ZNF335: variants seen among roughly 807,000 people sequenced by gnomAD.
ZNF335 encodes the protein zinc finger protein 335, also known as NRC-interacting factor 1.
ZNF335 carries 84 observed loss-of-function variants against 145.6 expected under a neutral mutation model. The ratio of observed to expected loss-of-function variants is 0.58; its 90% confidence interval spans 0.48 to 0.69. ZNF335 has a LOEUF of 0.69. ZNF335 is among the 30% of genes least tolerant of loss of function. The pLI is 0.00. For synonymous variants in ZNF335, 761 were observed against 717.0 expected, an observed-to-expected ratio of 1.06 and a Z score of -0.98; for missense variants, 1,865 against 1,809.7, an observed-to-expected ratio of 1.03 and a Z score of -0.55.
chr20:45,969,803 T>C (rs1460010922), intron 2 of ZNF335, 112 bp from the exon 3 acceptor site: 21 of 1,451,270 alleles, frequency 1.4e-5, no homozygotes, highest in South Asian at 2.6e-5. Context: ...ACATGGTCAG[T>C]GGAGCCACTC....
rs546418721 is a variant in ZNF335, at chr20:45,969,557, G to A, written c.336C>T (p.Leu112=). ...GPPALVHSSA[L]PDPNMLVSDC... is the part of the protein sequence containing the mutation. ...CGGACACCAGCATGTTGGGGTCTGG[G>A]AGTGCACTAGAGTGCACAAGTGCTG... Residue 112 remains leucine, a synonymous_variant, in exon 3 of 28, where the codon CTC becomes CTT. Transcript: ENST00000322927. The A allele has an allele frequency of 2.8e-5, 45 of 1,595,496 alleles. 1 individual carries two copies. The South Asian group carries it at 4.9e-4, about 17-fold the overall frequency.
At chr20:45,949,679 AGTT>A (rs2034966378) in intron 24 of ZNF335, 111 bp from the exon 25 acceptor site, 1 of 1,434,672 alleles carries the variant, frequency 7.0e-7, no homozygotes, top group Admixed American at 1.8e-5. Context: ...GCAACAATGC[AGTT>A]GTTGGCAAGC....
intron 17 of ZNF335, 31 bp downstream of exon 17, chr20:45,957,555 G>A (rs938173863): frequency 8.7e-6 from 14 of 1,603,202 alleles, no homozygotes; most frequent in Middle Eastern, 1.7e-4. Context: ...TGCGGTAGCT[G>A]GGAAGGGGAG....
At chr20:45,967,413 T>C (rs779055997) in intron 6 of ZNF335, 81 bp downstream of exon 6, 27 of 1,608,116 alleles carry the variant, frequency 1.7e-5, no homozygotes, top group Admixed American at 1.2e-4. Context: ...AATTCCTCTT[T>C]ACTGGCCCTC....
intron 7 of ZNF335, among the ~76,000 whole-genome samples, chr20:45,964,713 G>A (rs1158490268): frequency 1.3e-5 from 2 of 152,178 alleles, no homozygotes; most frequent in East Asian, 1.9e-4. Context: ...TATGTGCCTC[G>A]GTAAAAAGGC....
At position 45,951,342 on chromosome 20, in the gene ZNF335, G is replaced by A. The variant is rs140128193; in HGVS notation, c.3190-747C>T. Among the ~76,000 whole-genome samples the A allele has an allele frequency of 5.9e-5, 9 of 152,322 alleles. No homozygotes were observed. The Middle Eastern group carries it at 0.01, about 173-fold the overall frequency. ...ACAAAATCCTCAGGCAAACAGGGAG[G>A]CCCCAAGCTGGGCTGTGAACCTGCC... On this transcript the variant is annotated intron_variant, in intron 20 of 27. Coordinates refer to ENST00000322927, the MANE Select transcript of ZNF335 (RefSeq NM_022095.4).
At chr20:45,962,280 G>C (rs940472298) in intron 9 of ZNF335, 98 bp from the exon 10 acceptor site, 8 of 947,504 alleles carry the variant, frequency 8.4e-6, no homozygotes, top group African/African-American at 6.4e-5. Flanking sequence ...GTTGCTGCGG[G>C]AGCAGCTCAC....
Position 45,971,436 on chromosome 20 carries a change from G to GGGC in ZNF335, c.-29_-27dup. 6.3e-7 allele frequency: 1 copy of GGGC among 1,597,330 alleles called. No homozygotes were observed. The highest frequency in any genetic ancestry group is 1.1e-5 in the South Asian group (1 of 90,728). On this transcript the variant is annotated 5_prime_UTR_variant, in exon 2 of 28. Coordinates refer to ENST00000322927, the MANE Select transcript of ZNF335 (RefSeq NM_022095.4). The stretch of plus-strand genomic sequence containing the variant: ...CTGATCGGCGGGCTGCCTGACAGCG[G>GGGC]GGCGTAGGGTCTGGGAACTTCACTC...
rs1470185977 is a variant in ZNF335, at chr20:45,967,583, C to T, written c.866G>A (p.Ser289Asn). The T allele has an allele frequency of 4.3e-6, 7 of 1,613,914 alleles. No homozygotes were observed. The highest frequency in any genetic ancestry group is 5.1e-6 in the Non-Finnish European group (6 of 1,179,960). The change falls in exon 6 of 28, where the codon AGC becomes AAC. Residue 289 changes from serine to asparagine, a missense_variant. Coordinates refer to ENST00000322927, the MANE Select transcript of ZNF335 (RefSeq NM_022095.4). ...TTCCTCTTGGCTCTTGGTGGAGGTG[C>T]TCCACTTCCGTAGACGTCCTTTTTT... is the stretch of plus-strand genomic sequence containing the variant. The part of the protein sequence containing the change: ...AGKKGRLRKW[S>N]TSTKSQEEEG...
In ZNF335 at chr20:45,972,122, C is replaced by T. The variant is rs1229403826; in HGVS notation, c.-51G>A. The T allele has an allele frequency of 1.6e-6, 2 of 1,289,562 alleles. No homozygotes were observed. Among genetic ancestry groups the T allele is most frequent in the Admixed American group, 2.3e-5 (1 of 43,516 alleles). 79.9% of individuals were successfully genotyped at this position (1,289,562 alleles called of 1,614,324 possible). A position where few individuals can be genotyped will look rare whatever the true frequency, so the allele number is the denominator to read the frequency against. On this transcript the variant is annotated splice_region_variant and 5_prime_UTR_variant, in exon 1 of 28. Coordinates refer to ENST00000322927, the MANE Select transcript of ZNF335 (RefSeq NM_022095.4). Reference sequence around the variant, plus strand: ...CCGCCTAACTCTACCCGAAGCTCACCCGAGGCTTTCGTAGCCACGTTCCTC... The same window carrying T: ...CCGCCTAACTCTACCCGAAGCTCACTCGAGGCTTTCGTAGCCACGTTCCTC...
chr20:45,968,160 G>A (rs1392601231), intron 4 of ZNF335, 125 bp downstream of exon 4: 10 of 1,501,322 alleles, frequency 6.7e-6, no homozygotes, highest in Non-Finnish European at 9.2e-6. Context: ...CCGTCAGTAG[G>A]AAAACTGAGA....
rs200466540 is a variant in ZNF335, at chr20:45,965,654, C to T, written c.1076G>A (p.Arg359His). The T allele has an allele frequency of 6.9e-4, 1,104 of 1,599,582 alleles. 2 individuals are homozygous for T. The highest frequency in any genetic ancestry group is 1.2e-3 in the Admixed American group (70 of 57,924). ...RRPGRPRKLP[R>H]LEISDLPDGV... is the part of the protein sequence containing the mutation. ...ATCTGGGAGGTCTGAGATCTCCAGG[C>T]GGGGCAGCTTCCGGGGCCGGCCAGG... The change falls in exon 7 of 28, where the codon CGC becomes CAC. Residue 359 changes from arginine to histidine, a missense_variant. Arg to His is a conservative substitution (Grantham distance 29). Transcript: ENST00000322927.
At position 45,967,861 on chromosome 20, in the gene ZNF335, G is replaced by A; in HGVS notation, c.687C>T (p.Asp229=). Residue 229 remains aspartate, a synonymous_variant, in exon 5 of 28, where the codon GAC becomes GAT. Transcript: ENST00000322927. ...LPPASGAEEP[D]LQSLEAMMEV... is the part of the protein sequence containing the mutation. ...CCATCATGGCCTCCAGGCTCTGCAG[G>A]TCCGGCTCTTCGGCACCGGAGGCTG... 1 of 1,613,414 alleles carries A rather than the reference G, an allele frequency of 6.2e-7. No individual in the cohort carries two copies. The highest frequency in any genetic ancestry group is 8.5e-7 in the Non-Finnish European group (1 of 1,180,032).
Position 45,971,252 on chromosome 20 carries a change from G to C in ZNF335, c.159C>G (p.Asp53Glu). ...AAAPGQAEAD[D>E]SGVGQSSDRG... Reference sequence around the variant, plus strand: ...GGTCCGAGCTTTGCCCCACGCCAGAGTCATCGGCCTCTGCCTGCCCCGGGG... The same window carrying C: ...GGTCCGAGCTTTGCCCCACGCCAGACTCATCGGCCTCTGCCTGCCCCGGGG... Residue 53 changes from aspartate (D) to glutamate (E), a missense_variant, in exon 2 of 28, where the codon GAC (aspartate) becomes GAG (glutamate). Transcript: ENST00000322927. 3 of 1,558,430 alleles carry C rather than the reference G, an allele frequency of 1.9e-6. No individual in the cohort carries two copies. The highest frequency in any genetic ancestry group is 2.4e-5 in the East Asian group (1 of 42,094).
intron 15 of ZNF335, among the ~76,000 whole-genome samples, chr20:45,958,210 G>C (rs759485632): frequency 6.6e-6 from 1 of 152,118 alleles, no homozygotes; most frequent in Non-Finnish European, 1.5e-5. Context: ...ACCACACCCA[G>C]CTAATTTTTA....
chr20:45,971,637 T>TGTGCTTCCCAGGCTAAG, intron 1 of ZNF335, 177 bp from the exon 2 acceptor site: 1 of 985,460 alleles, frequency 1.0e-6, no homozygotes, highest in Non-Finnish European at 1.2e-6. Context: ...ACGGAGAAGC[T>TGTGCTTCCCAGGCTAAG]GTGCTTCCCA....
rs1238400075 is a variant in ZNF335 at position 45,967,837 on chromosome 20, C to T, written c.711G>A (p.Met237Ile). 34 of 1,613,406 alleles carry T rather than the reference C, an allele frequency of 2.1e-5. No homozygotes were observed. The highest frequency in any genetic ancestry group is 2.7e-5 in the African/African-American group (2 of 74,948). The change falls in exon 5 of 28, where the codon ATG (methionine) becomes ATA (isoleucine). Residue 237 changes from methionine to isoleucine, a missense_variant. Coordinates refer to ENST00000322927, the MANE Select transcript of ZNF335 (RefSeq NM_022095.4). Reference sequence around the variant, plus strand: ...TGAACTGCTGCACCACCACCACCTCCATCATGGCCTCCAGGCTCTGCAGGT... The same window carrying T: ...TGAACTGCTGCACCACCACCACCTCTATCATGGCCTCCAGGCTCTGCAGGT... ...EPDLQSLEAM[M>I]EVVVVQQFKC...
chr20:45,951,052 C>T lies in ZNF335; in HGVS notation c.3190-457G>A, dbSNP rs112742470. Reference sequence around the variant, plus strand: ...GGATTACTGGCATGCGCCACCACACCTGGCTAATTTTGTATTTTTAGTAGA... The same window carrying T: ...GGATTACTGGCATGCGCCACCACACTTGGCTAATTTTGTATTTTTAGTAGA... On this transcript the variant is annotated intron_variant, in intron 20 of 27. Coordinates refer to ENST00000322927, the MANE Select transcript of ZNF335 (RefSeq NM_022095.4). Among the ~76,000 whole-genome samples the T allele has an allele frequency of 7.6e-3, 1,162 of 152,358 alleles. 14 individuals are homozygous for T. Among genetic ancestry groups the T allele is most frequent in the African/African-American group, 0.027 (1,108 of 41,592 alleles).
At position 45,950,453 on chromosome 20, in the gene ZNF335, C is replaced by T. The variant is rs397514642; in HGVS notation, c.3332G>A (p.Arg1111His). The T allele has an allele frequency of 6.2e-6, 10 of 1,614,100 alleles. No homozygotes were observed. The highest frequency in any genetic ancestry group is 3.3e-5 in the South Asian group (3 of 91,090). Residue 1111 changes from arginine to histidine, a missense_variant and splice_region_variant, in exon 21 of 28, where the codon CGT (arginine) becomes CAT (histidine). Physicochemically the swap from Arg to His is conservative, Grantham distance 29. Coordinates refer to ENST00000322927, the MANE Select transcript of ZNF335 (RefSeq NM_022095.4). Reference protein sequence around the residue: ...KPFACHLCGQRFNRNGHLKFH... With the variant: ...KPFACHLCGQHFNRNGHLKFH... ...CCCACCCACCAGTATCTGGCCTCAC[C>T]GCTGCCCGCAGAGGTGGCATGCAAA...
Sources: allele counts gnomAD v4.1 joint callset (sites outside exome capture counted in the v4.1 genomes callset), GRCh38; gene constraint gnomAD v4.1.1; transcripts MANE v1.5; gene names NCBI Gene and HGNC (gene_info 2026-07-23, HGNC 2026-07-21).